POU6F2: variants seen among roughly 807,000 people sequenced by gnomAD.
POU6F2 encodes the protein POU domain, class 6, transcription factor 2.
POU6F2 carries 31 observed loss-of-function variants against 71.3 expected under a neutral mutation model. The ratio of observed to expected loss-of-function variants is 0.43; its 90% CI spans 0.33 to 0.59. The LOEUF (loss-of-function observed/expected upper bound fraction) is 0.59, where lower values mean the gene tolerates loss of function less well. POU6F2 is among the 20% of genes least tolerant of loss of function. POU6F2 has a pLI of 0.04. For missense variants in POU6F2, 783 were observed against 856.8 expected (o/e 0.91, Z 1.07); for synonymous variants, 347 against 355.7 (o/e 0.98, Z 0.27).
At chr7:39,015,366 ATATAT>A (rs1486797497) in intron 1 of POU6F2, among the ~76,000 whole-genome samples, 3 of 131,530 alleles carry the variant, frequency 2.3e-5, no homozygotes, top group East Asian at 2.1e-4. Context: ...ATATTATATA[ATATAT>A]TATGTATAAT....
At chr7:39,440,322 T>G (rs554329201) in intron 7 of POU6F2, among the ~76,000 whole-genome samples, 1 of 152,232 alleles carries the variant, frequency 6.6e-6, no homozygotes, top group Non-Finnish European at 1.5e-5. Flanking sequence ...GGTACTCCAG[T>G]CAATCATAGG....
chr7:39,093,896 A>G (rs1791402920), intron 2 of POU6F2, among the ~76,000 whole-genome samples: 1 of 151,876 alleles, frequency 6.6e-6, no homozygotes, highest in African/African-American at 2.4e-5. Context: ...TTTTCTCCAT[A>G]TTTTCTTCAT....
intron 4 of POU6F2, among the ~76,000 whole-genome samples, chr7:39,222,390 A>C (rs1352161718): frequency 1.3e-5 from 2 of 152,238 alleles, no homozygotes; most frequent in Non-Finnish European, 2.9e-5. Context: ...TCCATGGCAA[A>C]ATTGGAGTAA....
intron 4 of POU6F2, among the ~76,000 whole-genome samples, chr7:39,320,441 A>G (rs1275220585): frequency 6.6e-6 from 1 of 152,214 alleles, no homozygotes; most frequent in Non-Finnish European, 1.5e-5. Context: ...ATTTATAAGT[A>G]TAAACACATC....
At position 39,377,261 on chromosome 7, in the gene POU6F2, G is replaced by T. The variant is rs1421681462; in HGVS notation, c.973-29339G>T. Among the ~76,000 whole-genome samples the T allele has an allele frequency of 2.0e-5, 3 of 151,866 alleles. No individual in the cohort carries two copies. The East Asian group carries it at 5.8e-4, about 29-fold the overall frequency. Reference sequence around the variant, plus strand: ...TTCTCCTGCCTCAGCCTCCCAAGTGGCTGGGATTACAGGTGCACACCACCA... The same window carrying T: ...TTCTCCTGCCTCAGCCTCCCAAGTGTCTGGGATTACAGGTGCACACCACCA... On this transcript the variant is annotated intron_variant, in intron 5 of 9. Coordinates refer to ENST00000518318, the MANE Select transcript of POU6F2 (RefSeq NM_001370959.1).
At chr7:39,418,697 A>G (rs187082055) in intron 6 of POU6F2, among the ~76,000 whole-genome samples, 207 of 151,432 alleles carry the variant, frequency 1.4e-3, no homozygotes, top group African/African-American at 4.7e-3. Flanking sequence ...CTCAAAAAAA[A>G]AAAAAGAAAA....
chr7:39,437,410 G>C (rs1788274039), intron 7 of POU6F2, among the ~76,000 whole-genome samples: 1 of 152,204 alleles, frequency 6.6e-6, no homozygotes, highest in Non-Finnish European at 1.5e-5. Flanking sequence ...TATTTGTGTA[G>C]AGATGTTTAT....
chr7:39,223,173 GA>G (rs1794402407), intron 4 of POU6F2, among the ~76,000 whole-genome samples: 2 of 152,164 alleles, frequency 1.3e-5, no homozygotes. Flanking sequence ...ATTTTTGAGA[GA>G]ACAGTTACTT....
At chr7:38,987,446 C>T (rs1295055050) in intron 1 of POU6F2, among the ~76,000 whole-genome samples, 1 of 152,056 alleles carries the variant, frequency 6.6e-6, no homozygotes, top group East Asian at 1.9e-4. Context: ...TGTATGTTTC[C>T]AATGCATGAT....
At chr7:39,377,641 T>C (rs1786736927) in intron 5 of POU6F2, among the ~76,000 whole-genome samples, 1 of 152,142 alleles carries the variant, frequency 6.6e-6, no homozygotes, top group Non-Finnish European at 1.5e-5. Flanking sequence ...TGCTCCCCCC[T>C]CGCTGTGTCA....
chr7:39,287,739 G>A (rs1053553232), intron 4 of POU6F2, among the ~76,000 whole-genome samples: 14 of 152,146 alleles, frequency 9.2e-5, no homozygotes, highest in African/African-American at 3.4e-4. Flanking sequence ...GCTACTCCAA[G>A]ATCACCTGGA....
chr7:39,027,718 CCTT>C (rs1489545370), intron 1 of POU6F2, among the ~76,000 whole-genome samples: 6 of 152,194 alleles, frequency 3.9e-5, no homozygotes, highest in African/African-American at 1.4e-4. Flanking sequence ...AATCAAATCT[CCTT>C]CTCTTCCCCC....
At chr7:39,250,397 G>A (rs80327750) in intron 4 of POU6F2, among the ~76,000 whole-genome samples, 3,082 of 152,170 alleles carry the variant, frequency 0.02, 77 homozygotes, top group East Asian at 0.15. Context: ...TAACAACATT[G>A]GATAAGATCT....
At chr7:39,383,757 C>A (rs1209137598) in intron 5 of POU6F2, among the ~76,000 whole-genome samples, 2 of 152,234 alleles carry the variant, frequency 1.3e-5, no homozygotes, top group Non-Finnish European at 2.9e-5. Context: ...ATTACCATTT[C>A]TCTCTGTGAA....
At chr7:39,226,754 A>T (rs79901888) in intron 4 of POU6F2, among the ~76,000 whole-genome samples, 1 of 152,184 alleles carries the variant, frequency 6.6e-6, no homozygotes. Context: ...AAAAGTACTC[A>T]TAATTGTTTC....
At chr7:39,080,777 C>T (rs1205821446) in intron 1 of POU6F2, among the ~76,000 whole-genome samples, 2 of 152,094 alleles carry the variant, frequency 1.3e-5, no homozygotes, top group Non-Finnish European at 2.9e-5. Flanking sequence ...TGGGTATTTC[C>T]ATCATGTGGC....
chr7:39,399,741 T>G (rs1279298877), intron 5 of POU6F2, among the ~76,000 whole-genome samples: 5 of 151,768 alleles, frequency 3.3e-5, no homozygotes, highest in Non-Finnish European at 7.4e-5. Flanking sequence ...TCCCACATAC[T>G]TGGGAGGCTG....
intron 1 of POU6F2, among the ~76,000 whole-genome samples, chr7:39,052,226 T>C (rs1172018870): frequency 2.0e-5 from 3 of 152,068 alleles, no homozygotes; most frequent in Non-Finnish European, 2.9e-5. Flanking sequence ...ATAAAGTAGA[T>C]ACTGCGACTG....
At chr7:39,323,191 A>G (rs1785432889) in intron 4 of POU6F2, among the ~76,000 whole-genome samples, 2 of 152,174 alleles carry the variant, frequency 1.3e-5, no homozygotes, top group East Asian at 1.9e-4. Context: ...CCAGGGACAC[A>G]TTAATTGTGG....
Sources: gnomAD v4.1 joint callset for allele counts (sites outside exome capture counted in the v4.1 genomes callset) on GRCh38, gnomAD v4.1.1 for gene constraint, MANE v1.5 for transcripts, NCBI Gene and HGNC (gene_info 2026-07-23, HGNC 2026-07-21) for gene names.